The following TSHR variants were observed in gnomAD, a reference collection of about 807,000 sequenced individuals.
TSHR encodes the protein thyroid stimulating hormone receptor, also known as thyrotropin receptor.
TSHR carries 51 observed loss-of-function variants against 64.1 expected under a neutral mutation model. That is an observed-to-expected ratio of 0.80 (90% CI 0.64 to 1.01). TSHR has a LOEUF of 1.01. Ranked by LOEUF, TSHR falls within the 50% of genes least tolerant of loss-of-function variation. The pLI is 0.00. For synonymous variants in TSHR, 361 were observed against 361.9 expected (o/e 1.00, Z 0.03); for missense variants, 877 against 942.8 (o/e 0.93, Z 0.91).
intron 8 of TSHR, among the ~76,000 whole-genome samples, chr14:81,115,264 A>G (rs1166715975): frequency 6.6e-6 from 1 of 151,952 alleles, no homozygotes. Context: ...CCAAAGGCAA[A>G]GAAGTTGAAA....
chr14:80,967,283 A>AATTT (rs1491461256), intron 1 of TSHR, among the ~76,000 whole-genome samples: 83 of 111,882 alleles, frequency 7.4e-4, no homozygotes, highest in African/African-American at 2.4e-3. Flanking sequence ...CCTGACTTAC[A>AATTT]TTTTTTTTTT....
At position 80,977,756 on chromosome 14, in the gene TSHR, CT is replaced by C. The variant is rs1365033587; in HGVS notation, c.170+21908del. ...TCAGGCCCTATTCCAAGTTGCCAGA[CT>C]TACATGTTAACTGATACATGGGCGA... On this transcript the variant is annotated intron_variant, in intron 1 of 9. Transcript: ENST00000298171. 2.0e-5 allele frequency among the ~76,000 whole-genome samples: 3 copies of C among 152,316 alleles called. No homozygotes were observed. The East Asian group carries it at 5.8e-4, about 29-fold the overall frequency.
At chr14:81,129,636 C>T (rs1891156455) in intron 8 of TSHR, among the ~76,000 whole-genome samples, 1 of 152,018 alleles carries the variant, frequency 6.6e-6, no homozygotes, top group African/African-American at 2.4e-5. Context: ...TTCTCTAGTC[C>T]TCTCCCTCAT....
intron 1 of TSHR, among the ~76,000 whole-genome samples, chr14:81,058,460 T>C (rs1566785145): frequency 6.6e-6 from 1 of 152,248 alleles, no homozygotes; most frequent in East Asian, 1.9e-4. Context: ...TACAAGACTA[T>C]AGCTGTGAAC....
At chr14:81,001,453 T>C in intron 1 of TSHR, 1 of 494,144 alleles carries the variant, frequency 2.0e-6, no homozygotes, top group Non-Finnish European at 4.0e-6. Context: ...TTTACCTGGG[T>C]ATGCTCAATG....
At chr14:81,000,081 G>A (rs1031523265) in intron 1 of TSHR, among the ~76,000 whole-genome samples, 5 of 152,056 alleles carry the variant, frequency 3.3e-5, no homozygotes, top group Admixed American at 6.5e-5. Context: ...ACAGGCGCAT[G>A]CCACCACACC....
chr14:80,966,705 A>T (rs989945465), intron 1 of TSHR, among the ~76,000 whole-genome samples: 2 of 152,232 alleles, frequency 1.3e-5, no homozygotes, highest in African/African-American at 4.8e-5. Context: ...TGCATTTTAA[A>T]TAGTCAGCAA....
At chr14:81,088,921 A>T (rs1354430551) in intron 4 of TSHR, among the ~76,000 whole-genome samples, 13 of 152,040 alleles carry the variant, frequency 8.6e-5, no homozygotes, top group Admixed American at 7.2e-4. Context: ...AGCTGGATGG[A>T]ATAGCATGAT....
intron 3 of TSHR, among the ~76,000 whole-genome samples, chr14:81,086,406 G>GA (rs1237140386): frequency 6.6e-6 from 1 of 152,130 alleles, no homozygotes; most frequent in Non-Finnish European, 1.5e-5. Flanking sequence ...ATGCCTAGTT[G>GA]AAAAAACCAG....
intron 1 of TSHR, among the ~76,000 whole-genome samples, chr14:81,010,057 A>C (rs1343933740): frequency 1.3e-5 from 2 of 152,144 alleles, no homozygotes; most frequent in African/African-American, 2.4e-5. Context: ...AATATTTACC[A>C]ATCTGATAAG....
intron 1 of TSHR, among the ~76,000 whole-genome samples, chr14:80,959,097 T>C (rs78159690): frequency 0.018 from 2,693 of 152,298 alleles, 26 homozygotes; most frequent in Middle Eastern, 0.054. Context: ...GTCTTATGGA[T>C]GCAGGGGAGA....
Position 81,144,059 on chromosome 14 carries a change from T to A in TSHR, c.2001T>A (p.Tyr667Ter). The change falls in exon 10 of 10, where the codon TAT becomes TAA. Residue 667 changes from tyrosine (Y) to a stop codon, truncating the protein, a stop_gained. Coordinates refer to ENST00000298171, the MANE Select transcript of TSHR (RefSeq NM_000369.5). LOFTEE classifies it high-confidence loss of function. ...SNSKILLVLF[Y>*]PLNSCANPFL... ...CCAAAATCTTGCTGGTACTCTTCTA[T>A]CCACTTAACTCCTGTGCCAATCCAT... 2 of 1,614,166 alleles carry A rather than the reference T, an allele frequency of 1.2e-6. No individual in the cohort carries two copies. The highest frequency in any genetic ancestry group is 1.7e-6 in the Non-Finnish European group (2 of 1,180,032).
At chr14:81,027,249 A>G (rs1207353883) in intron 1 of TSHR, among the ~76,000 whole-genome samples, 2 of 152,190 alleles carry the variant, frequency 1.3e-5, no homozygotes, top group Non-Finnish European at 2.9e-5. Flanking sequence ...TATGTAAAAC[A>G]TTCAATATTC....
intron 2 of TSHR, among the ~76,000 whole-genome samples, chr14:81,066,058 A>G (rs984288110): frequency 6.6e-6 from 1 of 152,148 alleles, no homozygotes; most frequent in Non-Finnish European, 1.5e-5. Context: ...GGGAATCACA[A>G]TTTTTATCCC....
intron 7 of TSHR, among the ~76,000 whole-genome samples, chr14:81,106,814 G>A (rs768311650): frequency 1.3e-4 from 19 of 151,766 alleles, no homozygotes; most frequent in Admixed American, 9.2e-4. Flanking sequence ...GCATGATGGC[G>A]ATCGCCTGTA....
chr14:80,972,720 T>G, intron 1 of TSHR, among the ~76,000 whole-genome samples: 1 of 152,162 alleles, frequency 6.6e-6, no homozygotes, highest in Non-Finnish European at 1.5e-5. Flanking sequence ...CCAAAATATT[T>G]TCATCATCTC....
chr14:81,051,568 T>A (rs1036462095), intron 1 of TSHR: 1 of 152,204 alleles, frequency 6.6e-6, no homozygotes, highest in Admixed American at 6.5e-5. Flanking sequence ...GTGGCATAGC[T>A]GGATCATATG....
chr14:80,994,092 G>A (rs940313434), intron 1 of TSHR: 2 of 152,000 alleles, frequency 1.3e-5, no homozygotes, highest in Non-Finnish European at 2.9e-5. Context: ...CAAGGATGGG[G>A]ACCTTTATGA....
intron 1 of TSHR, among the ~76,000 whole-genome samples, chr14:80,990,440 CT>C (rs1249715223): frequency 1.3e-5 from 2 of 152,224 alleles, no homozygotes; most frequent in African/African-American, 4.8e-5. Context: ...TTTGATGGCT[CT>C]TTGGAAAGCC....
Sources: allele counts gnomAD v4.1 joint callset (sites outside exome capture counted in the v4.1 genomes callset), GRCh38; gene constraint gnomAD v4.1.1; transcripts MANE v1.5; gene names NCBI Gene and HGNC (gene_info 2026-07-23, HGNC 2026-07-21).